Variants in LVRN observed in about 807,000 individuals in gnomAD.
LVRN encodes the protein laeverin.
In LVRN, 99 loss-of-function variants were observed where a neutral mutation model predicts 111.4. The ratio of observed to expected loss-of-function variants is 0.89; its 90% CI spans 0.76 to 1.05. The LOEUF (loss-of-function observed/expected upper bound fraction) is 1.05, where lower values mean the gene tolerates loss of function less well. Ranked by LOEUF, LVRN falls within the 50% of genes least tolerant of loss-of-function variation. The pLI is 0.00. For synonymous variants in LVRN, 488 were observed against 449.5 expected (o/e 1.09, Z -1.08); for missense variants, 1,414 against 1,206.8 (o/e 1.17, Z -2.54).
intron 13 of LVRN, among the ~76,000 whole-genome samples, chr5:116,006,766 A>G (rs1474782885): frequency 6.6e-6 from 1 of 152,196 alleles, no homozygotes; most frequent in Non-Finnish European, 1.5e-5. Flanking sequence ...TAAGGTCCTC[A>G]GTAAATGTTT....
At chr5:115,982,856 GT>G (rs370043353) in intron 1 of LVRN, among the ~76,000 whole-genome samples, 1 of 148,382 alleles carries the variant, frequency 6.7e-6, no homozygotes, top group African/African-American at 2.6e-5. Flanking sequence ...GAGGAGGCAT[GT>G]GAGAAAAAGA....
At chr5:115,967,881 C>G (rs1266977830) in intron 1 of LVRN, among the ~76,000 whole-genome samples, 1 of 152,098 alleles carries the variant, frequency 6.6e-6, no homozygotes, top group Non-Finnish European at 1.5e-5. Flanking sequence ...TTTTGGTTTT[C>G]TACATGTCTG....
At chr5:116,003,144 T>C in intron 11 of LVRN, 97 bp from the exon 12 acceptor site, 1 of 1,191,996 alleles carries the variant, frequency 8.4e-7, no homozygotes, top group Non-Finnish European at 1.2e-6. Flanking sequence ...TTTTTTGTTT[T>C]GTTGGTTTAT....
At chr5:115,975,722 G>A (rs1753431629) in intron 1 of LVRN, 1 of 153,488 alleles carries the variant, frequency 6.5e-6, no homozygotes, top group Non-Finnish European at 1.5e-5. Flanking sequence ...AACTAGGATT[G>A]GGGATAGGAC....
chr5:115,975,152 G>A (rs1753414432), intron 1 of LVRN: 5 of 445,902 alleles, frequency 1.1e-5, no homozygotes, highest in Non-Finnish European at 2.2e-5. Context: ...TCAATGAACT[G>A]AATATGGCCA....
intron 4 of LVRN, among the ~76,000 whole-genome samples, chr5:115,991,306 C>G (rs1403441706): frequency 6.6e-6 from 1 of 152,174 alleles, no homozygotes; most frequent in African/African-American, 2.4e-5. Context: ...TAGTATGTAG[C>G]TTTCCCAGAC....
At chr5:116,001,012 T>C (rs754652567) in intron 9 of LVRN, 55 bp from the exon 10 acceptor site, 12 of 1,533,716 alleles carry the variant, frequency 7.8e-6, no homozygotes, top group Non-Finnish European at 1.0e-5. Context: ...AGATTGCTAC[T>C]TCAAAATGTT....
At chr5:115,980,824 G>A (rs1267611852) in intron 1 of LVRN, among the ~76,000 whole-genome samples, 1 of 152,010 alleles carries the variant, frequency 6.6e-6, no homozygotes, top group Admixed American at 6.6e-5. Context: ...TAATTTCAGA[G>A]GGCTCAAAGA....
intron 13 of LVRN, among the ~76,000 whole-genome samples, chr5:116,007,151 T>C (rs149016507): frequency 1.9e-3 from 293 of 152,334 alleles, no homozygotes; most frequent in African/African-American, 6.5e-3. Context: ...CCTTCGGTCC[T>C]TTTGAATTTC....
intron 1 of LVRN, among the ~76,000 whole-genome samples, chr5:115,970,539 C>T (rs541264750): frequency 3.3e-5 from 5 of 152,200 alleles, no homozygotes; most frequent in South Asian, 4.1e-4. Context: ...CGCGCCACCA[C>T]ACCTGGCTAA....
At position 115,987,872 on chromosome 5, in the gene LVRN, C is replaced by T. The variant is rs1253910473; in HGVS notation, c.1038C>T (p.Asn346=). ...IANGSADFAL[N]ITGPIFSFLE... The stretch of plus-strand genomic sequence containing the variant: ...ATGGAAGTGCAGACTTTGCTTTGAA[C>T]ATCACAGGTCCCATCTTCTCTTTTC... Residue 346 remains asparagine, a synonymous_variant, in exon 4 of 20, where the codon AAC becomes AAT. Transcript: ENST00000357872. 1 of 1,613,442 alleles carries T rather than the reference C, an allele frequency of 6.2e-7. No homozygotes were observed. Among genetic ancestry groups the T allele is most frequent in the Non-Finnish European group, 8.5e-7 (1 of 1,179,608 alleles).
Position 116,026,268 on chromosome 5 carries a change from G to A in LVRN, c.*150G>A, listed in dbSNP as rs1376248835. 1 of 1,220,792 alleles carries A rather than the reference G, an allele frequency of 8.2e-7. No individual in the cohort carries two copies. The highest frequency in any genetic ancestry group is 1.1e-6 in the Non-Finnish European group (1 of 885,160). The allele number at this position is 1,220,792 out of a possible 1,614,324, so 75.6% of individuals were successfully genotyped here. A position where few individuals can be genotyped will look rare whatever the true frequency, so the allele number is the denominator to read the frequency against. On this transcript the variant is annotated 3_prime_UTR_variant, in exon 20 of 20. Transcript: ENST00000357872. ...CTCAGAGTGCCATTCTTCTCATATTGTCATGTTTGGCCCTGAGGGTGGGTG... is the reference window on the plus strand; with the variant it reads ...CTCAGAGTGCCATTCTTCTCATATTATCATGTTTGGCCCTGAGGGTGGGTG...
At chr5:115,992,796 T>G (rs1748024626) in intron 5 of LVRN, among the ~76,000 whole-genome samples, 1 of 152,238 alleles carries the variant, frequency 6.6e-6, no homozygotes, top group Non-Finnish European at 1.5e-5. Context: ...TAATCAGATC[T>G]ATTTGCTTTT....
rs140297627 is a variant in LVRN, at chr5:115,989,733, G to A, written c.1105+1794G>A. Among the ~76,000 whole-genome samples the A allele has an allele frequency of 5.3e-5, 8 of 152,198 alleles. No individual in the cohort carries two copies. In the East Asian group the frequency reaches 1.5e-3, roughly 29 times the overall value. ...CAGGGATACATTTGATACTTTCTTTGTAACCTTCATAGCATCTCAACTGAT... is the reference window on the plus strand; with the variant it reads ...CAGGGATACATTTGATACTTTCTTTATAACCTTCATAGCATCTCAACTGAT... On this transcript the variant is annotated intron_variant, in intron 4 of 19. Coordinates refer to ENST00000357872, the MANE Select transcript of LVRN (RefSeq NM_173800.5).
At chr5:115,977,766 T>C (rs1052551287) in intron 1 of LVRN, among the ~76,000 whole-genome samples, 3 of 152,162 alleles carry the variant, frequency 2.0e-5, no homozygotes, top group African/African-American at 7.2e-5. Flanking sequence ...AGTTTTCACA[T>C]CTGTCAATTA....
At chr5:115,977,335 G>A (rs1490084362) in intron 1 of LVRN, among the ~76,000 whole-genome samples, 1 of 152,180 alleles carries the variant, frequency 6.6e-6, no homozygotes, top group East Asian at 1.9e-4. Context: ...CTGCAGTTTA[G>A]AAACTGCTTC....
At chr5:115,979,949 T>G (rs997960621) in intron 1 of LVRN, among the ~76,000 whole-genome samples, 1 of 152,160 alleles carries the variant, frequency 6.6e-6, no homozygotes, top group Non-Finnish European at 1.5e-5. Flanking sequence ...AGGTTTATTC[T>G]CCAAGGGTGT....
chr5:116,015,662 A>C lies in LVRN; in HGVS notation c.2653A>C (p.Thr885Pro). The change falls in exon 18 of 20, where the codon ACT (threonine) becomes CCT (proline). Residue 885 changes from threonine to proline, a missense_variant. Thr to Pro is a conservative substitution (Grantham distance 38, BLOSUM62 -1). Coordinates refer to ENST00000357872, the MANE Select transcript of LVRN (RefSeq NM_173800.5). ...GTATGCCATCAGCACATCTCCATTCACTTCTAATGAAACAAATATAATTGA... is the reference window on the plus strand; with the variant it reads ...GTATGCCATCAGCACATCTCCATTCCCTTCTAATGAAACAAATATAATTGA... ...MEYAISTSPF[T>P]SNETNIIEVV... 1 of 1,612,960 alleles carries C rather than the reference A, an allele frequency of 6.2e-7. No individual in the cohort carries two copies. Among genetic ancestry groups the C allele is most frequent in the Non-Finnish European group, 8.5e-7 (1 of 1,179,426 alleles).
intron 18 of LVRN, among the ~76,000 whole-genome samples, chr5:116,019,257 C>T (rs1045776705): frequency 5.9e-5 from 9 of 152,212 alleles, no homozygotes; most frequent in African/African-American, 2.2e-4. Flanking sequence ...CATTGTGCTA[C>T]AATGTTACAA....
Sources: allele counts gnomAD v4.1 joint callset (sites outside exome capture counted in the v4.1 genomes callset), GRCh38; gene constraint gnomAD v4.1.1; transcripts MANE v1.5; gene names NCBI Gene and HGNC (gene_info 2026-07-23, HGNC 2026-07-21).